TOX4: variants seen among roughly 807,000 people sequenced by gnomAD.
TOX4 encodes the protein epidermal Langerhans cell protein LCP1.
TOX4 carries 12 observed loss-of-function variants against 61.0 expected under a neutral mutation model. The observed-to-expected ratio is 0.20, with a 90% CI of 0.13 to 0.32. The LOEUF (loss-of-function observed/expected upper bound fraction) is 0.32, where lower values mean the gene tolerates loss of function less well. TOX4 is among the 10% of genes least tolerant of loss of function. TOX4 has a pLI of 1.00. For missense variants in TOX4, 499 were observed against 753.3 expected (o/e 0.66, Z 3.95); for synonymous variants, 268 against 274.8 (o/e 0.98, Z 0.24).
At chr14:21,494,109 C>T (rs772080716) in intron 7 of TOX4, among the ~76,000 whole-genome samples, 2 of 152,150 alleles carry the variant, frequency 1.3e-5, no homozygotes, top group Non-Finnish European at 2.9e-5. Context: ...CTTAACTAAG[C>T]AGAGGTCACT....
chr14:21,478,006 G>T (rs1266813444), intron 2 of TOX4, among the ~76,000 whole-genome samples: 1 of 152,116 alleles, frequency 6.6e-6, no homozygotes, highest in Non-Finnish European at 1.5e-5. Flanking sequence ...GTGCGATCTC[G>T]GCTCACTGCA....
chr14:21,494,527 C>T (rs1406407021), intron 7 of TOX4, among the ~76,000 whole-genome samples: 2 of 152,118 alleles, frequency 1.3e-5, no homozygotes, highest in African/African-American at 4.8e-5. Flanking sequence ...GTGGGCGGAT[C>T]ACGAGGTCAG....
rs751970253 is a variant in TOX4, at chr14:21,493,064, A to G, written c.1448A>G (p.Asn483Ser). The G allele has an allele frequency of 1.9e-5, 31 of 1,614,036 alleles. No individual in the cohort carries two copies. The highest frequency in any genetic ancestry group is 2.4e-5 in the Non-Finnish European group (28 of 1,179,986). Reference protein sequence around the residue: ...QQPPPQKVRINLQQQPPPLQI... With the variant: ...QQPPPQKVRISLQQQPPPLQI... ...CCTCCACCTCAGAAAGTTCGAATCAATTTACAGCAACAGCCTCCTCCTCTG... is the reference window on the plus strand; with the variant it reads ...CCTCCACCTCAGAAAGTTCGAATCAGTTTACAGCAACAGCCTCCTCCTCTG... Residue 483 changes from asparagine to serine, a missense_variant, in exon 7 of 9, where the codon AAT (asparagine) becomes AGT (serine). Coordinates refer to ENST00000448790, the MANE Select transcript of TOX4 (RefSeq NM_014828.4).
rs1381582616 is a variant in TOX4, at chr14:21,489,479, TC to T, written c.810+77del. ...AGATAAAAATTGAGGTTTTCTTTTT[TC>T]TTACATGTCCTTATCTAATATCAGC... On this transcript the variant is annotated intron_variant, in intron 5 of 8. Transcript: ENST00000448790. The T allele has an allele frequency of 4.0e-5, 51 of 1,262,134 alleles. 1 individual carries two copies. The Admixed American group carries it at 7.8e-4, about 19-fold the overall frequency. The allele number at this position is 1,262,134 out of a possible 1,614,324, so 78.2% of individuals were successfully genotyped here.
At chr14:21,488,961 G>A (rs993567704) in intron 4 of TOX4, 111 bp downstream of exon 4, 2 of 1,467,216 alleles carry the variant, frequency 1.4e-6, no homozygotes, top group African/African-American at 1.4e-5. Context: ...CTCCTCTGCT[G>A]TTTTCTGGGT....
rs1891417064 is a variant in TOX4 at position 21,496,968 on chromosome 14, G to T, written c.*362G>T. 2.5e-5 allele frequency: 5 copies of T among 200,456 alleles called. No individual in the cohort carries two copies. The South Asian group carries it at 4.6e-4, about 19-fold the overall frequency. The allele number at this position is 200,456 out of a possible 1,614,324, so 12.4% of individuals were successfully genotyped here. On this transcript the variant is annotated 3_prime_UTR_variant, in exon 9 of 9. Transcript: ENST00000448790. ...TATTAAAATTACGGGAGTGTACTCA[G>T]CTTTGAGCCTAGGAGAAAATGCCAC...
Position 21,487,573 on chromosome 14 carries a change from C to G in TOX4, c.198C>G (p.Ser66=). 6.2e-7 allele frequency: 1 copy of G among 1,614,176 alleles called. No individual in the cohort carries two copies. The highest frequency in any genetic ancestry group is 8.5e-7 in the Non-Finnish European group (1 of 1,180,044). Residue 66 remains serine, a synonymous_variant, in exon 3 of 9, where the codon TCC becomes TCG. Coordinates refer to ENST00000448790, the MANE Select transcript of TOX4 (RefSeq NM_014828.4). ...VGHFDDLADP[S]SSQDGSFSAQ... The stretch of plus-strand genomic sequence containing the variant: ...ACTTTGATGACCTGGCAGACCCTTC[C>G]TCTTCACAGGATGGCAGTTTTTCAG...
At chr14:21,478,273 C>T (rs1247592220) in intron 2 of TOX4, among the ~76,000 whole-genome samples, 1 of 152,208 alleles carries the variant, frequency 6.6e-6, no homozygotes. Flanking sequence ...TTGTGGTTAC[C>T]TTTACCTACA....
chr14:21,498,419 G>T lies in TOX4; in HGVS notation c.*1813G>T. ...AAACCAGAAATCCTGGAATTAGAGG[G>T]TTTAATATTGTTAAAAAATGCATAC... On this transcript the variant is annotated 3_prime_UTR_variant, in exon 9 of 9. Coordinates refer to ENST00000448790, the MANE Select transcript of TOX4 (RefSeq NM_014828.4). The T allele has an allele frequency of 6.4e-7, 1 of 1,555,676 alleles. No homozygotes were observed. Among genetic ancestry groups the T allele is most frequent in the Non-Finnish European group, 8.8e-7 (1 of 1,134,592 alleles).
At position 21,497,526 on chromosome 14, in the gene TOX4, T is replaced by C. The variant is rs1891431588; in HGVS notation, c.*920T>C. ...CTGTTTTCTGTGTGTTTTTTGTTTT[T>C]TTTTTTTTTTTTTTTTTTTGAGACA... On this transcript the variant is annotated 3_prime_UTR_variant, in exon 9 of 9. Coordinates refer to ENST00000448790, the MANE Select transcript of TOX4 (RefSeq NM_014828.4). 3 of 18,932 alleles carry C rather than the reference T, an allele frequency of 1.6e-4. No homozygotes were observed. Among genetic ancestry groups the C allele is most frequent in the African/African-American group, 5.8e-4 (3 of 5,140 alleles). The allele number at this position is 18,932 out of a possible 1,614,324, so 1.2% of individuals were successfully genotyped here. A position where few individuals can be genotyped will look rare whatever the true frequency, so the allele number is the denominator to read the frequency against.
Position 21,477,205 on chromosome 14 carries a change from T to C in TOX4, c.-74T>C, listed in dbSNP as rs1891004443. ...GAGAGAACACACGTCCTTGCGGAAG[T>C]GACGGCAGTTCCGAGTCCAGTGGGG... On this transcript the variant is annotated 5_prime_UTR_variant, in exon 1 of 9. Transcript: ENST00000448790. 3.1e-6 allele frequency: 5 copies of C among 1,612,916 alleles called. No individual in the cohort carries two copies. In the South Asian group the frequency reaches 5.5e-5, roughly 18 times the overall value.
At position 21,492,277 on chromosome 14, in the gene TOX4, T is replaced by TA. The variant is rs747477188; in HGVS notation, c.811-16dup. ...GTATGGGGAGTTTTGTTTTTTTTTT[T>TA]AAAGTCTCTTTTTTGCAGGTATATA... is the stretch of plus-strand genomic sequence containing the variant. On this transcript the variant is annotated intron_variant, in intron 5 of 8. Coordinates refer to ENST00000448790, the MANE Select transcript of TOX4 (RefSeq NM_014828.4). 2.5e-6 allele frequency: 4 copies of TA among 1,588,024 alleles called. No homozygotes were observed. In the South Asian group the frequency reaches 3.5e-5, roughly 14 times the overall value.
At chr14:21,490,967 C>T (rs1047185699) in intron 5 of TOX4, among the ~76,000 whole-genome samples, 1 of 152,048 alleles carries the variant, frequency 6.6e-6, no homozygotes, top group Non-Finnish European at 1.5e-5. Flanking sequence ...CTGGGATTAC[C>T]GGCATGTGCC....
intron 5 of TOX4, 52 bp from the exon 6 acceptor site, chr14:21,492,244 T>C (rs1891305725): frequency 2.7e-6 from 4 of 1,499,670 alleles, no homozygotes; most frequent in East Asian, 2.3e-5. Flanking sequence ...TATCAGTCTT[T>C]CCTAAGAGTA....
chr14:21,477,299 G>A lies in TOX4; in HGVS notation c.6+15G>A, dbSNP rs773591565. On this transcript the variant is annotated intron_variant, in intron 1 of 8. Coordinates refer to ENST00000448790, the MANE Select transcript of TOX4 (RefSeq NM_014828.4). ...TGAAGATGGAGGTAGGAACCTGATA[G>A]CTAAGAAGGCTGGCGAGAGAACGCG... is the stretch of plus-strand genomic sequence containing the variant. 9.3e-6 allele frequency: 15 copies of A among 1,613,992 alleles called. No homozygotes were observed. The South Asian group carries it at 1.5e-4, about 17-fold the overall frequency.
At chr14:21,494,502 C>T (rs1203556407) in intron 7 of TOX4, among the ~76,000 whole-genome samples, 2 of 151,964 alleles carry the variant, frequency 1.3e-5, no homozygotes, top group African/African-American at 2.4e-5. Context: ...AATCCCAGCA[C>T]TTTGGGAGGC....
intron 5 of TOX4, among the ~76,000 whole-genome samples, chr14:21,490,982 C>T (rs780530358): frequency 6.6e-6 from 1 of 152,222 alleles, no homozygotes; most frequent in East Asian, 1.9e-4. Flanking sequence ...TGTGCCGCCA[C>T]ACCCAGCTAA....
At position 21,497,521 on chromosome 14, in the gene TOX4, G is replaced by GTTTTTTTTTTTT. The variant is rs544629534; in HGVS notation, c.*928_*939dup. The GTTTTTTTTTTTT allele has an allele frequency of 2.7e-5, 3 of 110,890 alleles. No individual in the cohort carries two copies. The highest frequency in any genetic ancestry group is 2.3e-4 in the East Asian group (1 of 4,370). The allele number at this position is 110,890 out of a possible 1,614,324, so 6.9% of individuals were successfully genotyped here. On this transcript the variant is annotated 3_prime_UTR_variant, in exon 9 of 9. Transcript: ENST00000448790. ...CATTCCTGTTTTCTGTGTGTTTTTT[G>GTTTTTTTTTTTT]TTTTTTTTTTTTTTTTTTTTTTTTG...
intron 3 of TOX4, 84 bp downstream of exon 3, chr14:21,487,777 C>T (rs1036635718): frequency 4.9e-6 from 7 of 1,434,500 alleles, no homozygotes; most frequent in Non-Finnish European, 5.6e-6. Context: ...CCCTGCTACA[C>T]TTGGGTATTA....
Sources: gnomAD v4.1 joint callset for allele counts (sites outside exome capture counted in the v4.1 genomes callset) on GRCh38, gnomAD v4.1.1 for gene constraint, MANE v1.5 for transcripts, NCBI Gene and HGNC (gene_info 2026-07-23, HGNC 2026-07-21) for gene names.